The following CCL25 variants were observed in gnomAD, a reference collection of about 807,000 sequenced individuals.
The protein encoded by CCL25 is C-C motif chemokine ligand 25, also known as C-C motif chemokine 25.
In CCL25, 14 loss-of-function variants were observed where a neutral mutation model predicts 19.9. The ratio of observed to expected loss-of-function variants is 0.70; its 90% confidence interval spans 0.47 to 1.10. CCL25 has a LOEUF of 1.10. Ranked by LOEUF, CCL25 falls within the 50% of genes least tolerant of loss-of-function variation. The pLI, the probability that CCL25 is intolerant of heterozygous loss-of-function variation, is 0.00. For missense variants in CCL25, 151 were observed against 181.2 expected (o/e 0.83, Z 0.96); for synonymous variants, 68 against 73.2 (o/e 0.93, Z 0.36).
chr19:8,055,556 A>G (rs191240304), intron 2 of CCL25, among the ~76,000 whole-genome samples: 4,873 of 151,790 alleles, frequency 0.032, 118 homozygotes, highest in Non-Finnish European at 0.048. Context: ...GGATGGTCTC[A>G]ATCTCCTGAC....
intron 2 of CCL25, among the ~76,000 whole-genome samples, chr19:8,053,699 T>TA (rs746974390): frequency 6.6e-6 from 1 of 151,692 alleles, no homozygotes; most frequent in Non-Finnish European, 1.5e-5. Context: ...CAGGCGTGTG[T>TA]ACCATGCCCG....
chr19:8,059,128 TAA>T (rs1383123278), intron 5 of CCL25, among the ~76,000 whole-genome samples: 111 of 98,008 alleles, frequency 1.1e-3, no homozygotes, highest in Non-Finnish European at 1.6e-3. Context: ...TAAATATATA[TAA>T]ATATATATTA....
At chr19:8,056,125 A>C in intron 2 of CCL25, 27 bp from the exon 3 acceptor site, 2 of 1,444,664 alleles carry the variant, frequency 1.4e-6, no homozygotes, top group Non-Finnish European at 1.9e-6. Flanking sequence ...CAAGGGTGCG[A>C]GTATCTGGGC....
Position 8,057,652 on chromosome 19 carries a change from G to A in CCL25, c.326-149G>A, listed in dbSNP as rs535752579. ...CAGCCAGTCCAGCTCTTTTAATCAG[G>A]ACACTTTCCACTGGTACAGATGGAA... On this transcript the variant is annotated intron_variant, in intron 4 of 5. Transcript: ENST00000315626. 1.4e-5 allele frequency: 18 copies of A among 1,288,980 alleles called. No individual in the cohort carries two copies. In the South Asian group the frequency reaches 2.5e-4, roughly 18 times the overall value. The allele number at this position is 1,288,980 out of a possible 1,614,324, so 79.8% of individuals were successfully genotyped here.
rs530339091 is a variant in CCL25 at position 8,061,620 on chromosome 19, G to A, written c.446-598G>A. On this transcript the variant is annotated intron_variant, in intron 5 of 5. Transcript: ENST00000315626. ...AAGCCAACCAAGAGTCACCTCATTAGAATAAAATATGTCCCCATTACCCAG... is the reference window on the plus strand; with the variant it reads ...AAGCCAACCAAGAGTCACCTCATTAAAATAAAATATGTCCCCATTACCCAG... Among the ~76,000 whole-genome samples the A allele has an allele frequency of 2.6e-5, 4 of 152,242 alleles. No individual in the cohort carries two copies. The East Asian group carries it at 7.7e-4, about 29-fold the overall frequency.
chr19:8,055,429 G>A (rs1484965092), intron 2 of CCL25, among the ~76,000 whole-genome samples: 2 of 150,374 alleles, frequency 1.3e-5, no homozygotes, highest in East Asian at 2.0e-4. Context: ...TCTGCCTCCC[G>A]GGTTCACGCC....
chr19:8,058,319 A>T (rs897320422), intron 5 of CCL25, among the ~76,000 whole-genome samples: 2 of 106,060 alleles, frequency 1.9e-5, no homozygotes, highest in African/African-American at 6.1e-5. Context: ...ATATATAAGT[A>T]AATATATAAT....
intron 5 of CCL25, among the ~76,000 whole-genome samples, chr19:8,059,640 C>T (rs1244572057): frequency 1.3e-5 from 2 of 152,136 alleles, no homozygotes; most frequent in Non-Finnish European, 2.9e-5. Context: ...AGGGCTTCCA[C>T]CTCTGGTTGG....
intron 5 of CCL25, among the ~76,000 whole-genome samples, chr19:8,059,346 G>C (rs979306696): frequency 6.6e-6 from 1 of 150,528 alleles, no homozygotes; most frequent in Non-Finnish European, 1.5e-5. Flanking sequence ...TTACAGGCAT[G>C]CATCACCACG....
chr19:8,058,848 C>CG (rs1458546509), intron 5 of CCL25, among the ~76,000 whole-genome samples: 1 of 139,724 alleles, frequency 7.2e-6, no homozygotes, highest in African/African-American at 2.6e-5. Context: ...TTAGTAGAGA[C>CG]GGGGTTTCAC....
intron 4 of CCL25, among the ~76,000 whole-genome samples, chr19:8,057,414 T>C (rs905040008): frequency 2.6e-5 from 4 of 152,016 alleles, no homozygotes; most frequent in Non-Finnish European, 5.9e-5. Context: ...ACTGCAGCCT[T>C]GTGTTCCTGG....
chr19:8,057,008 ATTG>A (rs1332132246), intron 4 of CCL25, among the ~76,000 whole-genome samples: 1 of 151,666 alleles, frequency 6.6e-6, no homozygotes, highest in African/African-American at 2.4e-5. Context: ...AATCCAGCTC[ATTG>A]TTATTTTATT....
At position 8,057,019 on chromosome 19, in the gene CCL25, A is replaced by AAT. The variant is rs2081277124; in HGVS notation, c.325+520_325+521insAT. Among the ~76,000 whole-genome samples the AAT allele has an allele frequency of 4.0e-5, 6 of 150,830 alleles. No homozygotes were observed. In the East Asian group the frequency reaches 1.2e-3, roughly 30 times the overall value. On this transcript the variant is annotated intron_variant, in intron 4 of 5. Transcript: ENST00000315626. ...CACTAATCCAGCTCATTGTTATTTTATTTTTTATTTTTATTTTTTGAGATG... is the reference window on the plus strand; with the variant it reads ...CACTAATCCAGCTCATTGTTATTTTAATTTTTTTATTTTTATTTTTTGAGATG...
Position 8,052,951 on chromosome 19 carries a change from C to T in CCL25, c.-50-49C>T, listed in dbSNP as rs563659036. 14 of 723,580 alleles carry T rather than the reference C, an allele frequency of 1.9e-5. No individual in the cohort carries two copies. In the South Asian group the frequency reaches 2.1e-4, roughly 11 times the overall value. The allele number at this position is 723,580 out of a possible 1,614,324, so 44.8% of individuals were successfully genotyped here. On this transcript the variant is annotated intron_variant, in intron 1 of 5. Coordinates refer to ENST00000315626, the MANE Select transcript of CCL25 (RefSeq NM_005624.4). ...TAAGAGGGGGGATGTTCCCAGTACCCACTCCCCTCCTCTTCCTCAGTCCTT... is the reference window on the plus strand; with the variant it reads ...TAAGAGGGGGGATGTTCCCAGTACCTACTCCCCTCCTCTTCCTCAGTCCTT...
intron 2 of CCL25, among the ~76,000 whole-genome samples, chr19:8,054,247 G>A (rs529729620): frequency 9.3e-4 from 141 of 152,344 alleles, no homozygotes; most frequent in African/African-American, 3.3e-3. Context: ...GGGTCTGATG[G>A]GTCCAAGTCC....
chr19:8,056,426 G>A lies in CCL25; in HGVS notation c.252G>A (p.Gln84=), dbSNP rs1256560821. The A allele has an allele frequency of 6.2e-7, 1 of 1,614,148 alleles. No individual in the cohort carries two copies. Among genetic ancestry groups the A allele is most frequent in the Non-Finnish European group, 8.5e-7 (1 of 1,180,024 alleles). Residue 84 remains glutamine, a synonymous_variant, in exon 4 of 6, where the codon CAG becomes CAA. Transcript: ENST00000315626. The part of the protein sequence containing the change: ...VCGNPKSREV[Q]RAMKLLDARN... Reference sequence around the variant, plus strand: ...GGAACCCCAAAAGCAGGGAGGTGCAGAGAGCCATGAAGCTCCTGGATGCTC... The same window carrying A: ...GGAACCCCAAAAGCAGGGAGGTGCAAAGAGCCATGAAGCTCCTGGATGCTC...
intron 4 of CCL25, among the ~76,000 whole-genome samples, chr19:8,056,709 T>G (rs1336381603): frequency 3.3e-5 from 5 of 152,236 alleles, no homozygotes; most frequent in South Asian, 2.1e-4. Context: ...AGATGGGGTC[T>G]TGCTCTGTTG....
Position 8,059,496 on chromosome 19 carries a change from G to A in CCL25, c.445+1576G>A, listed in dbSNP as rs536364387. Reference sequence around the variant, plus strand: ...TTGCAGGCATGAGCCACTGTGTCCAGCTGACATTGTCTATCTGGAGGTAGT... The same window carrying A: ...TTGCAGGCATGAGCCACTGTGTCCAACTGACATTGTCTATCTGGAGGTAGT... On this transcript the variant is annotated intron_variant, in intron 5 of 5. Coordinates refer to ENST00000315626, the MANE Select transcript of CCL25 (RefSeq NM_005624.4). Among the ~76,000 whole-genome samples the A allele has an allele frequency of 3.3e-5, 5 of 152,110 alleles. No homozygotes were observed. The East Asian group carries it at 9.7e-4, about 29-fold the overall frequency.
In CCL25 at chr19:8,053,045, G is replaced by A. The variant is rs769706481; in HGVS notation, c.-5G>A. The A allele has an allele frequency of 6.9e-5, 107 of 1,549,870 alleles. No homozygotes were observed. Among genetic ancestry groups the A allele is most frequent in the Non-Finnish European group, 9.0e-5 (103 of 1,146,630 alleles). ...GGTGCCCAGGGAGGAGGACCCGCCT[G>A]CAGCATGAACCTGTGGCTCCTGGCC... On this transcript the variant is annotated 5_prime_UTR_variant, in exon 2 of 6. Transcript: ENST00000315626.
Sources: allele counts gnomAD v4.1 joint callset (sites outside exome capture counted in the v4.1 genomes callset), GRCh38; gene constraint gnomAD v4.1.1; transcripts MANE v1.5; gene names NCBI Gene and HGNC (gene_info 2026-07-23, HGNC 2026-07-21).